The following GRID1 variants were observed in gnomAD, a reference collection of about 807,000 sequenced individuals.
GRID1 encodes the protein glutamate receptor ionotropic, delta-1.
A neutral mutation model predicts 98.0 loss-of-function variants in GRID1; 28 were observed. That is an observed-to-expected ratio of 0.29 (90% CI 0.21 to 0.39). The LOEUF (loss-of-function observed/expected upper bound fraction) is 0.39, where lower values mean the gene tolerates loss of function less well. GRID1 is among the 10% of genes least tolerant of loss of function. The pLI is 1.00. For missense variants in GRID1, 1,111 were observed against 1,340.5 expected (o/e 0.83, Z 2.67); for synonymous variants, 553 against 538.5 (o/e 1.03, Z -0.37).
At position 85,727,846 on chromosome 10, in the gene GRID1, G is replaced by A. The variant is rs74148737; in HGVS notation, c.1533+9C>T. On this transcript the variant is annotated intron_variant, in intron 10 of 15. Transcript: ENST00000327946. ...TGCCCCTCCCCCTGGATCTGCTATG[G>A]GGACCTACCTTGCTGATGAGCTCCC... 5.0e-6 allele frequency: 8 copies of A among 1,609,296 alleles called. No homozygotes were observed. The South Asian group carries it at 5.5e-5, about 11-fold the overall frequency.
chr10:85,691,793 T>C (rs1282135518), intron 12 of GRID1, among the ~76,000 whole-genome samples: 1 of 152,228 alleles, frequency 6.6e-6, no homozygotes, highest in African/African-American at 2.4e-5. Context: ...AAATGTGCCA[T>C]ACATATTCTG....
chr10:86,155,993 G>A (rs773454659), intron 3 of GRID1, among the ~76,000 whole-genome samples: 4 of 152,160 alleles, frequency 2.6e-5, no homozygotes, highest in South Asian at 4.1e-4. Context: ...GTTCCAGTCC[G>A]CAATCTGACC....
intron 4 of GRID1, among the ~76,000 whole-genome samples, chr10:86,077,251 T>C (rs1013529425): frequency 1.5e-5 from 2 of 137,130 alleles, no homozygotes; most frequent in Non-Finnish European, 3.3e-5. Flanking sequence ...TGCACAGTGA[T>C]ACTCAGTGGC....
intron 4 of GRID1, among the ~76,000 whole-genome samples, chr10:86,003,454 A>T (rs1227038314): frequency 1.3e-5 from 2 of 152,328 alleles, no homozygotes; most frequent in Non-Finnish European, 2.9e-5. Flanking sequence ...CCCATTTAGA[A>T]TATTACTTCA....
chr10:86,096,435 C>A (rs1413713479), intron 4 of GRID1, among the ~76,000 whole-genome samples: 1 of 152,192 alleles, frequency 6.6e-6, no homozygotes, highest in Non-Finnish European at 1.5e-5. Context: ...ATTAAAGGCA[C>A]AATCTTGCTC....
At chr10:86,027,004 A>G (rs751855819) in intron 4 of GRID1, among the ~76,000 whole-genome samples, 14 of 152,214 alleles carry the variant, frequency 9.2e-5, no homozygotes, top group South Asian at 2.1e-4. Context: ...CAGTGGGGCC[A>G]TGGGAGGCAG....
intron 4 of GRID1, among the ~76,000 whole-genome samples, chr10:86,077,486 G>A (rs949252552): frequency 4.6e-5 from 7 of 152,076 alleles, no homozygotes; most frequent in East Asian, 3.8e-4. Flanking sequence ...CTTTGAGCTC[G>A]GTCCCACCTA....
At chr10:86,124,765 T>C (rs1329029700) in intron 4 of GRID1, among the ~76,000 whole-genome samples, 1 of 152,106 alleles carries the variant, frequency 6.6e-6, no homozygotes. Context: ...TAATATCGAA[T>C]CCATTTCAAG....
chr10:86,353,248 G>A (rs984466983), intron 2 of GRID1, among the ~76,000 whole-genome samples: 2 of 152,218 alleles, frequency 1.3e-5, no homozygotes, highest in African/African-American at 4.8e-5. Flanking sequence ...TCCTGTGGGT[G>A]CTGGGATGCA....
rs923834556 is a variant in GRID1 at position 86,169,404 on chromosome 10, C to A, written c.521-30380G>T. The stretch of plus-strand genomic sequence containing the variant: ...AACTTCCTTGATGTAAATATTTCCA[C>A]CATGGTAGATTTCAAGCTACCAAGG... On this transcript the variant is annotated intron_variant, in intron 3 of 15. Transcript: ENST00000327946. 2.0e-5 allele frequency among the ~76,000 whole-genome samples: 3 copies of A among 152,182 alleles called. No homozygotes were observed. In the East Asian group the frequency reaches 5.8e-4, roughly 29 times the overall value.
At chr10:86,087,103 C>T (rs1844071250) in intron 4 of GRID1, among the ~76,000 whole-genome samples, 1 of 152,190 alleles carries the variant, frequency 6.6e-6, no homozygotes, top group South Asian at 2.1e-4. Context: ...AGGCATGGGG[C>T]ATGGAACCAA....
chr10:86,128,550 C>A (rs985576275), intron 4 of GRID1, among the ~76,000 whole-genome samples: 1 of 152,120 alleles, frequency 6.6e-6, no homozygotes, highest in Non-Finnish European at 1.5e-5. Context: ...GAGTAATGCA[C>A]TGGGGAGAGG....
intron 3 of GRID1, among the ~76,000 whole-genome samples, chr10:86,166,285 T>G (rs1265577245): frequency 6.6e-6 from 1 of 152,124 alleles, no homozygotes; most frequent in Non-Finnish European, 1.5e-5. Context: ...GGAGAAAATT[T>G]TTACAATCTA....
At chr10:85,809,332 A>G (rs1371480146) in intron 8 of GRID1, among the ~76,000 whole-genome samples, 1 of 152,210 alleles carries the variant, frequency 6.6e-6, no homozygotes, top group Non-Finnish European at 1.5e-5. Context: ...AATAAAACAC[A>G]TCAAACCAAT....
chr10:85,664,566 GCT>G (rs1409200534), intron 12 of GRID1, among the ~76,000 whole-genome samples: 1 of 152,174 alleles, frequency 6.6e-6, no homozygotes, highest in African/African-American at 2.4e-5. Flanking sequence ...GCCAAAATTA[GCT>G]GTGCTTGGAG....
intron 5 of GRID1, among the ~76,000 whole-genome samples, chr10:85,877,006 T>C (rs1452277553): frequency 6.6e-6 from 1 of 152,206 alleles, no homozygotes; most frequent in Non-Finnish European, 1.5e-5. Context: ...CGCTGATTGC[T>C]AGCACAGCAG....
At chr10:85,999,505 C>G (rs1015441634) in intron 4 of GRID1, among the ~76,000 whole-genome samples, 5 of 152,068 alleles carry the variant, frequency 3.3e-5, no homozygotes, top group African/African-American at 9.7e-5. Flanking sequence ...AAGGACAGTA[C>G]AAAAACAGAA....
chr10:85,653,847 A>G (rs911778866), intron 12 of GRID1, among the ~76,000 whole-genome samples: 1 of 152,226 alleles, frequency 6.6e-6, no homozygotes, highest in Admixed American at 6.5e-5. Context: ...GAGAAGGTGC[A>G]CACCAAATGC....
chr10:85,999,327 A>C (rs1441634933), intron 4 of GRID1, among the ~76,000 whole-genome samples: 4 of 152,238 alleles, frequency 2.6e-5, no homozygotes, highest in Admixed American at 6.5e-5. Flanking sequence ...CACAGTTAAA[A>C]GTTTTCCATA....
Sources: allele counts gnomAD v4.1 joint callset (sites outside exome capture counted in the v4.1 genomes callset), GRCh38; gene constraint gnomAD v4.1.1; transcripts MANE v1.5; gene names NCBI Gene and HGNC (gene_info 2026-07-23, HGNC 2026-07-21).